Variants in PRR14L observed in about 807,000 individuals in gnomAD.
PRR14L encodes the protein protein PRR14L.
Under a neutral mutation model 155.0 loss-of-function variants are expected in PRR14L, and 80 were observed. The ratio of observed to expected loss-of-function variants is 0.52; its 90% confidence interval spans 0.43 to 0.62. The LOEUF is 0.62. Among genes scored for constraint, PRR14L ranks in the 20% least tolerant of loss-of-function variants. PRR14L has a pLI of 0.00. For synonymous variants in PRR14L, 883 were observed against 916.0 expected (o/e 0.96, Z 0.65); for missense variants, 2,469 against 2,548.0 (o/e 0.97, Z 0.67).
intron 4 of PRR14L, among the ~76,000 whole-genome samples, chr22:31,707,293 A>T (rs962431709): frequency 6.6e-6 from 1 of 152,218 alleles, no homozygotes; most frequent in Non-Finnish European, 1.5e-5. Flanking sequence ...GAAGACGAAA[A>T]GGGGCAAAAG....
At chr22:31,717,688 C>G (rs1250894645) in intron 3 of PRR14L, among the ~76,000 whole-genome samples, 2 of 152,150 alleles carry the variant, frequency 1.3e-5, no homozygotes, top group African/African-American at 4.8e-5. Flanking sequence ...GTTCTCAGTA[C>G]TTGAAATTAG....
At position 31,724,368 on chromosome 22, in the gene PRR14L, C is replaced by T. The variant is rs78784265; in HGVS notation, c.547+1170G>A. 8.7e-3 allele frequency among the ~76,000 whole-genome samples: 1,322 copies of T among 152,264 alleles called. 14 individuals carry two copies. Among genetic ancestry groups the T allele is most frequent in the Non-Finnish European group, 0.016 (1,074 of 68,010 alleles). ...AACAGGTTCCTGACTCCAAAAATGT[C>T]GGGGACCACTGACTTAGCGTATTCA... On this transcript the variant is annotated intron_variant, in intron 3 of 8. Coordinates refer to ENST00000327423, the MANE Select transcript of PRR14L (RefSeq NM_173566.3).
At chr22:31,727,852 C>T (rs1246300796) in intron 2 of PRR14L, among the ~76,000 whole-genome samples, 2 of 151,646 alleles carry the variant, frequency 1.3e-5, no homozygotes, top group Non-Finnish European at 1.5e-5. Context: ...TATGGTGGTG[C>T]GTGCCTGTAA....
At chr22:31,690,402 C>G (rs1432424284) in intron 7 of PRR14L, among the ~76,000 whole-genome samples, 1 of 151,996 alleles carries the variant, frequency 6.6e-6, no homozygotes. Flanking sequence ...CCAGGCTGGT[C>G]TTGAACTCCT....
intron 8 of PRR14L, among the ~76,000 whole-genome samples, chr22:31,687,800 T>C (rs2074489821): frequency 6.6e-6 from 1 of 151,202 alleles, no homozygotes; most frequent in Admixed American, 6.6e-5. Context: ...TCCCAGCACT[T>C]TGGGAGGCCA....
chr22:31,732,124 T>C (rs915816037), intron 2 of PRR14L, among the ~76,000 whole-genome samples: 2 of 152,204 alleles, frequency 1.3e-5, no homozygotes, highest in African/African-American at 4.8e-5. Flanking sequence ...CATGTGTACT[T>C]GTGTATAGGT....
At chr22:31,704,789 G>C (rs1450357769) in intron 4 of PRR14L, 63 bp from the exon 5 acceptor site, 2 of 1,304,288 alleles carry the variant, frequency 1.5e-6, no homozygotes, top group African/African-American at 1.5e-5. Flanking sequence ...GAAAGGTTTT[G>C]ATGTTATTGT....
intron 6 of PRR14L, among the ~76,000 whole-genome samples, chr22:31,703,100 G>A (rs1441544743): frequency 2.6e-5 from 4 of 152,192 alleles, no homozygotes; most frequent in Non-Finnish European, 5.9e-5. Flanking sequence ...ACAGGCGTGT[G>A]CCACCGTGCC....
intron 4 of PRR14L, among the ~76,000 whole-genome samples, chr22:31,710,609 T>C (rs1208882054): frequency 1.3e-5 from 2 of 151,996 alleles, no homozygotes; most frequent in Non-Finnish European, 2.9e-5. Flanking sequence ...CCCGCCACTA[T>C]GCCCGGCTAA....
chr22:31,740,529 AT>A (rs113832596), intron 1 of PRR14L, among the ~76,000 whole-genome samples: 60 of 146,712 alleles, frequency 4.1e-4, no homozygotes, highest in South Asian at 4.3e-4. Flanking sequence ...CACCTGGCTA[AT>A]TTTTTTTTTT....
At chr22:31,709,903 G>A (rs1601501461) in intron 4 of PRR14L, among the ~76,000 whole-genome samples, 1 of 151,940 alleles carries the variant, frequency 6.6e-6, no homozygotes, top group East Asian at 1.9e-4. Flanking sequence ...AAAGTGCTGG[G>A]ACTACAGGCA....
At chr22:31,703,520 C>T in intron 6 of PRR14L, 30 bp downstream of exon 6, 1 of 1,597,966 alleles carries the variant, frequency 6.3e-7, no homozygotes, top group Non-Finnish European at 8.5e-7. Context: ...ATGCCACCAT[C>T]ATCTGACCCA....
chr22:31,689,692 C>G (rs2074500837), intron 7 of PRR14L, among the ~76,000 whole-genome samples: 1 of 152,082 alleles, frequency 6.6e-6, no homozygotes, highest in South Asian at 2.1e-4. Flanking sequence ...GTCTCTGCCT[C>G]CCGTGTAGCT....
rs146203439 is a variant in PRR14L, at chr22:31,725,911, C to T, written c.475-301G>A. Among the ~76,000 whole-genome samples the T allele has an allele frequency of 9.8e-3, 1,489 of 151,656 alleles. 15 individuals are homozygous for T. Among genetic ancestry groups the T allele is most frequent in the Non-Finnish European group, 0.015 (1,038 of 67,868 alleles). On this transcript the variant is annotated intron_variant, in intron 2 of 8. Coordinates refer to ENST00000327423, the MANE Select transcript of PRR14L (RefSeq NM_173566.3). ...CTTGAACTCCTGACCTCAAGTGATC[C>T]GCCCGCCTCCGCCTCCCAAAGTGCT...
intron 4 of PRR14L, among the ~76,000 whole-genome samples, chr22:31,707,371 A>G (rs1208515508): frequency 6.6e-6 from 1 of 152,008 alleles, no homozygotes; most frequent in Non-Finnish European, 1.5e-5. Context: ...AACAGTTTGG[A>G]GGAAGTGGCA....
chr22:31,687,140 C>A (rs967415251), intron 8 of PRR14L, among the ~76,000 whole-genome samples: 25 of 151,924 alleles, frequency 1.6e-4, no homozygotes, highest in African/African-American at 6.0e-4. Flanking sequence ...CGGGTTCAAG[C>A]GGTTCTCCTG....
Position 31,688,260 on chromosome 22 carries a change from T to TTC in PRR14L, c.6108-35_6108-34dup, listed in dbSNP as rs367966573. ...GAAATAAGGAAAAAAATTCTTCAGG[T>TTC]TCTCTCTCTCTTTTTTTTTTCAGAG... On this transcript the variant is annotated intron_variant, in intron 7 of 8. Coordinates refer to ENST00000327423, the MANE Select transcript of PRR14L (RefSeq NM_173566.3). 3 of 1,540,714 alleles carry TTC rather than the reference T, an allele frequency of 1.9e-6. No individual in the cohort carries two copies. The African/African-American group carries it at 4.2e-5, about 21-fold the overall frequency.
intron 1 of PRR14L, among the ~76,000 whole-genome samples, chr22:31,742,561 T>C (rs1452761223): frequency 6.6e-6 from 1 of 152,112 alleles, no homozygotes; most frequent in Non-Finnish European, 1.5e-5. Context: ...GAGACGGGGT[T>C]TCACCATGTT....
At chr22:31,723,110 T>C (rs2074699682) in intron 3 of PRR14L, among the ~76,000 whole-genome samples, 1 of 152,096 alleles carries the variant, frequency 6.6e-6, no homozygotes. Context: ...GGAATGTTCT[T>C]GGGGGACAGA....
Sources: allele counts gnomAD v4.1 joint callset (sites outside exome capture counted in the v4.1 genomes callset), GRCh38; gene constraint gnomAD v4.1.1; transcripts MANE v1.5; gene names NCBI Gene and HGNC (gene_info 2026-07-23, HGNC 2026-07-21).